Variants in TNR observed in about 807,000 individuals in gnomAD.
TNR encodes the protein tenascin R.
A neutral mutation model predicts 150.4 loss-of-function variants in TNR; 45 were observed. That is an observed-to-expected ratio of 0.30 (90% confidence interval 0.24 to 0.38). TNR has a LOEUF of 0.38. Ranked by LOEUF, TNR falls within the 10% of genes least tolerant of loss-of-function variation. The probability of loss-of-function intolerance (pLI) is 1.00; values close to 1 mark genes in which losing one functional copy is unlikely to be tolerated. For missense variants in TNR, 1,544 were observed against 1,759.1 expected (o/e 0.88, Z 2.19); for synonymous variants, 687 against 678.4 (o/e 1.01, Z -0.20).
At chr1:175,471,462 A>G (rs1465315923) in intron 2 of TNR, among the ~76,000 whole-genome samples, 1 of 152,178 alleles carries the variant, frequency 6.6e-6, no homozygotes, top group African/African-American at 2.4e-5. Flanking sequence ...TATTGCTCCT[A>G]CCCTGTAAAC....
In TNR at chr1:175,419,310, G is replaced by A. The variant is rs541617393; in HGVS notation, c.-63-12533C>T. ...ATGTGTTCAATCTGAATAAAGACAA[G>A]AATTGACCATTTAGCTACATGCAGC... On this transcript the variant is annotated intron_variant, in intron 2 of 22. Transcript: ENST00000367674. 2.0e-5 allele frequency among the ~76,000 whole-genome samples: 3 copies of A among 152,240 alleles called. No homozygotes were observed. The South Asian group carries it at 6.2e-4, about 32-fold the overall frequency.
chr1:175,600,404 A>G (rs1663188464), intron 1 of TNR, among the ~76,000 whole-genome samples: 1 of 152,238 alleles, frequency 6.6e-6, no homozygotes, highest in Non-Finnish European at 1.5e-5. Context: ...TTCTGCAAAC[A>G]TAGTTTTGTA....
chr1:175,630,800 G>A (rs971320255), intron 1 of TNR, among the ~76,000 whole-genome samples: 7 of 146,630 alleles, frequency 4.8e-5, no homozygotes, highest in African/African-American at 1.8e-4. Context: ...TGAGAATCCA[G>A]CTGAGCTCTG....
At chr1:175,649,078 C>T (rs1664881420) in intron 1 of TNR, among the ~76,000 whole-genome samples, 1 of 152,212 alleles carries the variant, frequency 6.6e-6, no homozygotes, top group African/African-American at 2.4e-5. Context: ...CCATGCCCCT[C>T]CCTGCTTGGA....
At chr1:175,613,274 G>A (rs1348351323) in intron 1 of TNR, among the ~76,000 whole-genome samples, 1 of 152,082 alleles carries the variant, frequency 6.6e-6, no homozygotes, top group Non-Finnish European at 1.5e-5. Context: ...GCTAGCCAGG[G>A]CCCAAATCCT....
intron 1 of TNR, among the ~76,000 whole-genome samples, chr1:175,700,070 A>G (rs1461316432): frequency 6.6e-6 from 1 of 151,736 alleles, no homozygotes; most frequent in African/African-American, 2.4e-5. Context: ...CCGGACCACC[A>G]TGACCCCAAG....
At chr1:175,502,982 G>A (rs1021215501) in intron 2 of TNR, among the ~76,000 whole-genome samples, 1 of 152,162 alleles carries the variant, frequency 6.6e-6, no homozygotes, top group Non-Finnish European at 1.5e-5. Context: ...GGGTTTGAGT[G>A]CCTGACACAG....
chr1:175,441,940 G>T (rs1655809981), intron 2 of TNR, among the ~76,000 whole-genome samples: 2 of 152,310 alleles, frequency 1.3e-5, no homozygotes, highest in South Asian at 4.1e-4. Context: ...GAAATGAAAA[G>T]TTATGTAGAA....
intron 2 of TNR, among the ~76,000 whole-genome samples, chr1:175,453,723 C>A (rs1656430037): frequency 6.6e-6 from 1 of 151,926 alleles, no homozygotes; most frequent in Non-Finnish European, 1.5e-5. Context: ...AGGCATGCAC[C>A]ACCACACCTG....
intron 9 of TNR, 103 bp downstream of exon 9, chr1:175,379,449 A>G (rs1258386989): frequency 6.8e-5 from 68 of 999,976 alleles, no homozygotes; most frequent in South Asian, 4.9e-4. Context: ...GATGAGATCA[A>G]TAGGAATTGG....
At chr1:175,454,962 C>G (rs1656500550) in intron 2 of TNR, among the ~76,000 whole-genome samples, 1 of 152,148 alleles carries the variant, frequency 6.6e-6, no homozygotes, top group African/African-American at 2.4e-5. Flanking sequence ...ATTGCTTCAA[C>G]TAATAGAGGA....
At chr1:175,723,546 G>T (rs1179495822) in intron 1 of TNR, among the ~76,000 whole-genome samples, 2 of 152,140 alleles carry the variant, frequency 1.3e-5, no homozygotes, top group African/African-American at 2.4e-5. Flanking sequence ...TATATATATG[G>T]TTAGAATATA....
chr1:175,576,103 G>T (rs752472207), intron 1 of TNR, among the ~76,000 whole-genome samples: 7 of 152,234 alleles, frequency 4.6e-5, no homozygotes, highest in Non-Finnish European at 8.8e-5. Flanking sequence ...TTAATGCTAA[G>T]AATTTTCCTT....
chr1:175,352,495 T>C (rs1315297531), intron 18 of TNR, among the ~76,000 whole-genome samples: 2 of 152,140 alleles, frequency 1.3e-5, no homozygotes, highest in Non-Finnish European at 2.9e-5. Flanking sequence ...AAGAGGACCA[T>C]GGAGCCCTCT....
chr1:175,363,959 G>A, intron 12 of TNR, 132 bp from the exon 13 acceptor site: 1 of 1,134,956 alleles, frequency 8.8e-7, no homozygotes, highest in Non-Finnish European at 1.2e-6. Context: ...ATGTAATAGG[G>A]TATCTTAAAA....
chr1:175,601,207 C>T (rs1331267799), intron 1 of TNR, among the ~76,000 whole-genome samples: 1 of 152,198 alleles, frequency 6.6e-6, no homozygotes, highest in Non-Finnish European at 1.5e-5. Context: ...TAAAAACCGC[C>T]ACATCCTGCA....
chr1:175,566,423 G>A (rs1430958880), intron 1 of TNR, among the ~76,000 whole-genome samples: 1 of 152,238 alleles, frequency 6.6e-6, no homozygotes, highest in Admixed American at 6.5e-5. Context: ...CTCTGGCAGA[G>A]GCCCCGCCTT....
intron 2 of TNR, among the ~76,000 whole-genome samples, chr1:175,466,640 C>A (rs1280409221): frequency 6.6e-6 from 1 of 152,188 alleles, no homozygotes; most frequent in Non-Finnish European, 1.5e-5. Context: ...CATTATTGAT[C>A]TTTTCATGTT....
intron 1 of TNR, among the ~76,000 whole-genome samples, chr1:175,540,960 T>C (rs1405625942): frequency 6.6e-6 from 1 of 152,102 alleles, no homozygotes; most frequent in Non-Finnish European, 1.5e-5. Context: ...CCTTTCTCAA[T>C]GCCCACCCTC....
Sources: allele counts gnomAD v4.1 joint callset (sites outside exome capture counted in the v4.1 genomes callset), GRCh38; gene constraint gnomAD v4.1.1; transcripts MANE v1.5; gene names NCBI Gene and HGNC (gene_info 2026-07-23, HGNC 2026-07-21).